GPR155: variants seen among roughly 807,000 people sequenced by gnomAD.
GPR155 encodes lysosomal cholesterol signaling protein.
In GPR155, 65 loss-of-function variants were observed where a neutral mutation model predicts 93.1. The ratio of observed to expected loss-of-function variants is 0.70; its 90% CI spans 0.57 to 0.86. The LOEUF (loss-of-function observed/expected upper bound fraction) is 0.86, where lower values mean the gene tolerates loss of function less well. GPR155 is among the 40% of genes least tolerant of loss of function. GPR155 has a pLI of 0.00. For synonymous variants in GPR155, 319 were observed against 360.1 expected (o/e 0.89, Z 1.29); for missense variants, 838 against 1,034.8 (o/e 0.81, Z 2.61).
chr2:174,443,280 T>A (rs924512954), intron 13 of GPR155, among the ~76,000 whole-genome samples: 3 of 152,202 alleles, frequency 2.0e-5, no homozygotes, highest in Non-Finnish European at 4.4e-5. Flanking sequence ...TGTAAGAAAT[T>A]AATATTAGGA....
Position 174,481,736 on chromosome 2 carries a change from C to T in GPR155, c.221G>A (p.Gly74Glu), listed in dbSNP as rs899743064. The T allele has an allele frequency of 3.7e-6, 6 of 1,613,888 alleles. No homozygotes were observed. The African/African-American group carries it at 8.0e-5, about 22-fold the overall frequency. Residue 74 changes from glycine to glutamate, a missense_variant, in exon 2 of 16, where the codon GGA becomes GAA. Gly to Glu is a moderately conservative substitution (Grantham distance 98, BLOSUM62 -2). This residue lies in a region of GPR155 where 663 missense variants were observed against 790.1 expected (regional missense o/e 0.84). Transcript: ENST00000392552. ...VITSTQAKGL[G>E]NFVSRFALPA... ...AAGTGCAAATCTGGAGACAAAATTT[C>T]CTAGTCCTTTGGCCTGGGTTGATGT...
At chr2:174,442,001 G>C in intron 14 of GPR155, 118 bp downstream of exon 14, 1 of 666,562 alleles carries the variant, frequency 1.5e-6, no homozygotes, top group Non-Finnish European at 2.7e-6. Flanking sequence ...GCCCACCCTG[G>C]CCTCCCAAAG....
chr2:174,444,767 G>T (rs1039292264), intron 13 of GPR155, among the ~76,000 whole-genome samples: 1 of 151,892 alleles, frequency 6.6e-6, no homozygotes, highest in Non-Finnish European at 1.5e-5. Flanking sequence ...AAGTGCTGGG[G>T]TTACAGGTGT....
At chr2:174,474,009 C>CT (rs1209452911) in intron 2 of GPR155, among the ~76,000 whole-genome samples, 3 of 152,108 alleles carry the variant, frequency 2.0e-5, no homozygotes, top group Non-Finnish European at 4.4e-5. Flanking sequence ...GGCTATGGGA[C>CT]TTAGTGGCTG....
At chr2:174,459,726 T>C (rs1687625342) in intron 10 of GPR155, 152 bp downstream of exon 10, 4 of 588,304 alleles carry the variant, frequency 6.8e-6, no homozygotes, top group African/African-American at 3.7e-5. Context: ...GCACCTGTAG[T>C]CCTAGCTACT....
chr2:174,464,354 TA>T (rs907894054), intron 7 of GPR155, among the ~76,000 whole-genome samples: 1 of 152,058 alleles, frequency 6.6e-6, no homozygotes, highest in African/African-American at 2.4e-5. Context: ...GATTAAAGTT[TA>T]AAAAAAGTAA....
intron 13 of GPR155, among the ~76,000 whole-genome samples, chr2:174,442,568 A>G (rs1686997920): frequency 1.3e-5 from 2 of 152,258 alleles, no homozygotes; most frequent in Non-Finnish European, 2.9e-5. Flanking sequence ...CAAGTGTTGC[A>G]GTATCTAATA....
At chr2:174,451,279 A>G (rs1289214379) in intron 11 of GPR155, among the ~76,000 whole-genome samples, 1 of 151,804 alleles carries the variant, frequency 6.6e-6, no homozygotes, top group Non-Finnish European at 1.5e-5. Flanking sequence ...GCGCCACTGC[A>G]CTCTAGCCTG....
intron 3 of GPR155, among the ~76,000 whole-genome samples, chr2:174,471,603 C>T (rs1688001294): frequency 6.6e-6 from 1 of 151,950 alleles, no homozygotes; most frequent in African/African-American, 2.4e-5. Context: ...AGCAAATCCA[C>T]AGTAGTTGAG....
At chr2:174,470,315 A>T (rs1290809287) in intron 4 of GPR155, 75 bp downstream of exon 4, 7 of 1,179,260 alleles carry the variant, frequency 5.9e-6, no homozygotes, top group African/African-American at 3.1e-5. Flanking sequence ...AAAGAATTTT[A>T]AAAAATTTGA....
intron 2 of GPR155, among the ~76,000 whole-genome samples, chr2:174,477,806 G>T (rs1380573758): frequency 6.6e-6 from 1 of 152,132 alleles, no homozygotes; most frequent in Non-Finnish European, 1.5e-5. Flanking sequence ...CTCTTGGAGG[G>T]CAGGGAGAAT....
chr2:174,446,153 A>G (rs12614823), intron 12 of GPR155, among the ~76,000 whole-genome samples: 66,625 of 151,514 alleles, frequency 0.44, 16,172 homozygotes, highest in Middle Eastern at 0.63. Context: ...CTACAAATAC[A>G]AAAATTAGCC....
intron 5 of GPR155, among the ~76,000 whole-genome samples, chr2:174,468,448 G>A (rs1042856564): frequency 1.3e-5 from 2 of 152,066 alleles, no homozygotes; most frequent in African/African-American, 2.4e-5. Context: ...CATTAAATAG[G>A]CGGTTGGACT....
At chr2:174,479,367 C>T (rs1228986077) in intron 2 of GPR155, among the ~76,000 whole-genome samples, 1 of 152,102 alleles carries the variant, frequency 6.6e-6, no homozygotes, top group African/African-American at 2.4e-5. Context: ...CTGGTTGGGT[C>T]TTCTGAAAAT....
In GPR155 at chr2:174,446,538, C is replaced by T. The variant is rs574641547; in HGVS notation, c.2013+73G>A. ...TGGAAAGCAGCAACTAAGTTTTTCC[C>T]GGATGCCTGAATAAAACCTTTGCCA... On this transcript the variant is annotated intron_variant, in intron 12 of 15. Transcript: ENST00000392552. 348 of 1,437,920 alleles carry T rather than the reference C, an allele frequency of 2.4e-4. 1 individual carries two copies. In the South Asian group the frequency reaches 2.9e-3, roughly 12 times the overall value. 89.1% of individuals were successfully genotyped at this position (1,437,920 alleles called of 1,614,324 possible). A position where few individuals can be genotyped will look rare whatever the true frequency, so the allele number is the denominator to read the frequency against.
rs755804999 is a variant in GPR155 at position 174,440,022 on chromosome 2, A to G, written c.2188T>C (p.Trp730Arg). The G allele has an allele frequency of 1.3e-5, 21 of 1,607,250 alleles. No individual in the cohort carries two copies. Among genetic ancestry groups the G allele is most frequent in the Admixed American group, 5.1e-5 (3 of 58,394 alleles). ...TTTTCTGCTGTGTCTTTATTGTTCC[A>G]TAGGAATTCAAGTCTGAAAATCAAA... ...LPFKRRLEFL[W>R]NNKDTAENRD... The change falls in exon 15 of 16, where the codon TGG (tryptophan) becomes CGG (arginine). Residue 730 changes from tryptophan (W) to arginine (R), a missense_variant. Coordinates refer to ENST00000392552, the MANE Select transcript of GPR155 (RefSeq NM_152529.7).
intron 10 of GPR155, among the ~76,000 whole-genome samples, chr2:174,456,722 A>G (rs910592574): frequency 6.6e-6 from 1 of 152,250 alleles, no homozygotes; most frequent in Non-Finnish European, 1.5e-5. Context: ...TCCATCAATA[A>G]GGAAATTAAT....
chr2:174,431,789 CAT>C lies in GPR155; in HGVS notation c.*4325_*4326del, dbSNP rs1249107701. On this transcript the variant is annotated 3_prime_UTR_variant, in exon 16 of 16. Transcript: ENST00000392552. ...GAGCCGCATTCTGCTGCGTAACAAA[CAT>C]ATAAAACACTAGTTTCACATTTTTC... is the stretch of plus-strand genomic sequence containing the variant. The C allele has an allele frequency of 3.3e-5, 5 of 152,146 alleles. No individual in the cohort carries two copies. Among genetic ancestry groups the C allele is most frequent in the African/African-American group, 1.2e-4 (5 of 41,442 alleles). 9.4% of individuals were successfully genotyped at this position (152,146 alleles called of 1,614,324 possible). A position where few individuals can be genotyped will look rare whatever the true frequency, so the allele number is the denominator to read the frequency against.
At chr2:174,463,556 T>G (rs1687759518) in intron 7 of GPR155, among the ~76,000 whole-genome samples, 1 of 152,122 alleles carries the variant, frequency 6.6e-6, no homozygotes, top group Non-Finnish European at 1.5e-5. Context: ...CAAATGATAT[T>G]ACAACGCACA....
Sources: allele counts gnomAD v4.1 joint callset (sites outside exome capture counted in the v4.1 genomes callset), GRCh38; gene constraint gnomAD v4.1.1; regional missense constraint gnomAD v4.1.1; transcripts MANE v1.5; gene names NCBI Gene and HGNC (gene_info 2026-07-23, HGNC 2026-07-21).